GABRR1: variants seen among roughly 807,000 people sequenced by gnomAD.
The protein encoded by GABRR1 is gamma-aminobutyric acid receptor subunit rho-1.
A neutral mutation model predicts 55.5 loss-of-function variants in GABRR1; 59 were observed. The observed-to-expected ratio is 1.06, with a 90% CI of 0.86 to 1.32. The LOEUF is 1.32. Ranked by LOEUF, GABRR1 falls within the 40% of genes most tolerant of loss-of-function variation. The pLI, the probability that GABRR1 is intolerant of heterozygous loss-of-function variation, is 0.00. For missense variants in GABRR1, 602 were observed against 619.1 expected, an observed-to-expected ratio of 0.97 and a Z score of 0.29; for synonymous variants, 213 against 226.0, an observed-to-expected ratio of 0.94 and a Z score of 0.51.
chr6:89,218,667 C>T (rs1007380659), upstream of GABRR1, among the ~76,000 whole-genome samples: 1 of 152,194 alleles, frequency 6.6e-6, no homozygotes, highest in African/African-American at 2.4e-5. Flanking sequence ...CAATGAAAGC[C>T]TTGCCTTGAA....
intron 1 of GABRR1, among the ~76,000 whole-genome samples, chr6:89,214,910 C>T (rs1184934667): frequency 1.3e-5 from 2 of 152,014 alleles, no homozygotes; most frequent in African/African-American, 4.8e-5. Context: ...ACCTGTAGTC[C>T]CAGCTATTCA....
chr6:89,203,224 C>T (rs1008634173), intron 2 of GABRR1, among the ~76,000 whole-genome samples: 2 of 152,186 alleles, frequency 1.3e-5, no homozygotes, highest in African/African-American at 4.8e-5. Context: ...GCTCCCATTG[C>T]CGCGGACATC....
intron 3 of GABRR1, among the ~76,000 whole-genome samples, chr6:89,200,562 G>A (rs776553375): frequency 3.0e-4 from 44 of 147,866 alleles, no homozygotes; most frequent in African/African-American, 7.5e-5. Context: ...ATGCCCGGCC[G>A]AGAATGATTT....
In GABRR1 at chr6:89,180,382, A is replaced by G; in HGVS notation, c.1056T>C (p.Phe352=). 1.2e-6 allele frequency: 2 copies of G among 1,613,964 alleles called. No individual in the cohort carries two copies. Among genetic ancestry groups the G allele is most frequent in the Non-Finnish European group, 1.7e-6 (2 of 1,179,868 alleles). ...KAVDIYLWVS[F]VFVFLSVLEY... ...CCAGCACCGAGAGGAACACGAACAC[A>G]AAGCTGACCCAGAGGTAGATGTCCA... The change falls in exon 9 of 10, where the codon TTT becomes TTC. Residue 352 remains phenylalanine (F), a synonymous_variant. Transcript: ENST00000454853.
chr6:89,203,341 G>T, intron 2 of GABRR1, 94 bp downstream of exon 2: 1 of 1,103,458 alleles, frequency 9.1e-7, no homozygotes, highest in Non-Finnish European at 1.4e-6. Context: ...GATCCTTGGT[G>T]AGGGGTCGGG....
intron 1 of GABRR1, among the ~76,000 whole-genome samples, chr6:89,210,599 C>T (rs758005335): frequency 6.6e-6 from 1 of 152,168 alleles, no homozygotes; most frequent in Non-Finnish European, 1.5e-5. Context: ...GTCTATTTTG[C>T]TTACCATTGC....
intron 2 of GABRR1, among the ~76,000 whole-genome samples, chr6:89,201,697 T>C (rs1484707305): frequency 6.6e-6 from 1 of 150,842 alleles, no homozygotes; most frequent in Non-Finnish European, 1.5e-5. Flanking sequence ...GAGAATGGTG[T>C]GAACCCAGGA....
At position 89,180,323 on chromosome 6, in the gene GABRR1, T is replaced by A; in HGVS notation, c.1115A>T (p.Gln372Leu). 1 of 1,613,828 alleles carries A rather than the reference T, an allele frequency of 6.2e-7. No homozygotes were observed. Residue 372 changes from glutamine to leucine, a missense_variant, in exon 9 of 10, where the codon CAG becomes CTG. Around this residue, in one of 3 missense-constraint regions of GABRR1, gnomAD observed 139 missense variants for 141.1 expected, o/e 0.99. Transcript: ENST00000454853. ...CCGCAGCTTCTGTTCCTTCCTCTCC[T>A]GCACAGTGGTCAGGTAGTTGACGGC... ...YAAVNYLTTV[Q>L]ERKEQKLREK...
chr6:89,203,619 A>G lies in GABRR1; in HGVS notation c.123-134T>C, dbSNP rs367822590. 9 of 694,874 alleles carry G rather than the reference A, an allele frequency of 1.3e-5. No individual in the cohort carries two copies. In the African/African-American group the frequency reaches 1.6e-4, roughly 12 times the overall value. 43.0% of individuals were successfully genotyped at this position (694,874 alleles called of 1,614,324 possible). Reference sequence around the variant, plus strand: ...GTAAAAGAAGAAGAAAAAACTACGAAGATTCAATGCATTCATTTAGCCTCT... The same window carrying G: ...GTAAAAGAAGAAGAAAAAACTACGAGGATTCAATGCATTCATTTAGCCTCT... On this transcript the variant is annotated intron_variant, in intron 1 of 9. Coordinates refer to ENST00000454853, the MANE Select transcript of GABRR1 (RefSeq NM_002042.5).
intron 5 of GABRR1, among the ~76,000 whole-genome samples, chr6:89,190,571 A>G (rs1224214201): frequency 6.6e-6 from 1 of 152,232 alleles, no homozygotes; most frequent in Non-Finnish European, 1.5e-5. Context: ...ATGGTTTCTT[A>G]AAAGAAGCTC....
chr6:89,217,411 A>G, upstream of GABRR1: 1 of 1,444,294 alleles, frequency 6.9e-7, no homozygotes, highest in South Asian at 1.3e-5. Flanking sequence ...TGGTCTGTTC[A>G]TTATTAGAAG....
At chr6:89,222,810 C>T (rs978329167) in intron 1 of GABRR1, among the ~76,000 whole-genome samples, 5 of 152,156 alleles carry the variant, frequency 3.3e-5, no homozygotes, top group African/African-American at 9.7e-5. Flanking sequence ...GGACAGGAAG[C>T]CTCAATTAGC....
chr6:89,197,541 T>C (rs2127798148), intron 5 of GABRR1, among the ~76,000 whole-genome samples: 1 of 152,370 alleles, frequency 6.6e-6, no homozygotes, highest in South Asian at 2.1e-4. Flanking sequence ...TAAAAAGTGA[T>C]GTTCAGAATG....
intron 5 of GABRR1, among the ~76,000 whole-genome samples, chr6:89,192,781 G>A (rs1427619422): frequency 1.3e-5 from 2 of 152,058 alleles, no homozygotes; most frequent in Admixed American, 1.3e-4. Flanking sequence ...GGCTGGTCTT[G>A]AACTCCTAAC....
chr6:89,191,077 G>A (rs1439746453), intron 5 of GABRR1, among the ~76,000 whole-genome samples: 2 of 152,168 alleles, frequency 1.3e-5, no homozygotes, highest in Non-Finnish European at 2.9e-5. Flanking sequence ...ATAATTCATG[G>A]TAAAAAAAGA....
At chr6:89,179,237 T>C (rs1771642841) in intron 9 of GABRR1, among the ~76,000 whole-genome samples, 174 bp from the exon 10 acceptor site, 1 of 151,824 alleles carries the variant, frequency 6.6e-6, no homozygotes, top group Non-Finnish European at 1.5e-5. Context: ...TGGGGGGGAC[T>C]TGAGTTTTGC....
chr6:89,180,364 C>G lies in GABRR1; in HGVS notation c.1074G>C (p.Ser358=), dbSNP rs776494958. Residue 358 remains serine (S), a synonymous_variant, in exon 9 of 10, where the codon TCG becomes TCC. Coordinates refer to ENST00000454853, the MANE Select transcript of GABRR1 (RefSeq NM_002042.5). ...LWVSFVFVFL[S]VLEYAAVNYL... ...AGTTGACGGCCGCATACTCCAGCAC[C>G]GAGAGGAACACGAACACAAAGCTGA... 11 of 1,613,782 alleles carry G rather than the reference C, an allele frequency of 6.8e-6. No individual in the cohort carries two copies. The highest frequency in any genetic ancestry group is 8.5e-6 in the Non-Finnish European group (10 of 1,179,880).
At chr6:89,188,276 G>T (rs1285775224) in intron 6 of GABRR1, among the ~76,000 whole-genome samples, 1 of 152,042 alleles carries the variant, frequency 6.6e-6, no homozygotes, top group Non-Finnish European at 1.5e-5. Flanking sequence ...CTCTTACCCC[G>T]GCCACCCACA....
chr6:89,217,016 TA>T lies in GABRR1; in HGVS notation c.122+184del, dbSNP rs1773005936. 2.6e-5 allele frequency among the ~76,000 whole-genome samples: 4 copies of T among 152,314 alleles called. No homozygotes were observed. In the South Asian group the frequency reaches 8.3e-4, roughly 32 times the overall value. The stretch of plus-strand genomic sequence containing the variant: ...AAAATGATCTAATCTAGCATCATTT[TA>T]AAAGAAAACGTAATTCTAACTTTCT... On this transcript the variant is annotated intron_variant, in intron 1 of 9. Coordinates refer to ENST00000454853, the MANE Select transcript of GABRR1 (RefSeq NM_002042.5).
Sources: allele counts gnomAD v4.1 joint callset (sites outside exome capture counted in the v4.1 genomes callset), GRCh38; gene constraint gnomAD v4.1.1; regional missense constraint gnomAD v4.1.1; transcripts MANE v1.5; gene names NCBI Gene and HGNC (gene_info 2026-07-23, HGNC 2026-07-21).